The following ARHGEF26 variants were observed in gnomAD, a reference collection of about 807,000 sequenced individuals.
ARHGEF26 encodes the protein Rho guanine nucleotide exchange factor 26.
In ARHGEF26, 59 loss-of-function variants were observed where a neutral mutation model predicts 89.4. That is an observed-to-expected ratio of 0.66 (90% CI 0.54 to 0.82). ARHGEF26 has a LOEUF of 0.82. Among genes scored for constraint, ARHGEF26 ranks in the 40% least tolerant of loss-of-function variants. The pLI is 0.00. For missense variants in ARHGEF26, 1,234 were observed against 1,085.6 expected (o/e 1.14, Z -1.92); for synonymous variants, 500 against 428.4 (o/e 1.17, Z -2.06).
chr3:154,246,788 ACAACAGGACCAAC>A, intron 12 of ARHGEF26, among the ~76,000 whole-genome samples: 1 of 152,332 alleles, frequency 6.6e-6, no homozygotes, highest in South Asian at 2.1e-4. Context: ...GGAGACAAAA[ACAACAGGACCAAC>A]TGATGGATTG....
In ARHGEF26 at chr3:154,204,818, T is replaced by C. The variant is rs1253411485; in HGVS notation, c.1845+10100T>C. Among the ~76,000 whole-genome samples, 4 of 152,344 alleles carry C rather than the reference T, an allele frequency of 2.6e-5. No individual in the cohort carries two copies. In the South Asian group the frequency reaches 6.2e-4, roughly 24 times the overall value. ...GCATATTTTTTAATTTCTATGTATT[T>C]GTACACGTTCCAAAATTCCTGTTAC... On this transcript the variant is annotated intron_variant, in intron 9 of 14. Transcript: ENST00000465093.
At chr3:154,176,955 C>G (rs900258836) in intron 6 of ARHGEF26, among the ~76,000 whole-genome samples, 8 of 151,918 alleles carry the variant, frequency 5.3e-5, no homozygotes, top group African/African-American at 1.5e-4. Context: ...GGTAGAGTCT[C>G]TAAAAGGGGA....
intron 10 of ARHGEF26, among the ~76,000 whole-genome samples, chr3:154,221,123 A>G (rs748789086): frequency 6.6e-6 from 1 of 151,150 alleles, no homozygotes; most frequent in Non-Finnish European, 1.5e-5. Context: ...AAACTGTGAG[A>G]CATAAATTCC....
chr3:154,207,666 A>G (rs527751764), intron 9 of ARHGEF26, among the ~76,000 whole-genome samples: 12 of 152,334 alleles, frequency 7.9e-5, no homozygotes, highest in Admixed American at 2.6e-4. Flanking sequence ...TATTAGTTCA[A>G]CCATTATTGA....
At chr3:154,253,673 T>C (rs1268421206) in intron 13 of ARHGEF26, among the ~76,000 whole-genome samples, 2 of 152,192 alleles carry the variant, frequency 1.3e-5, no homozygotes, top group South Asian at 2.1e-4. Flanking sequence ...TCTAAGAAAG[T>C]GTGTTTCACT....
chr3:154,170,388 C>A (rs1192588985), intron 6 of ARHGEF26, among the ~76,000 whole-genome samples: 1 of 151,980 alleles, frequency 6.6e-6, no homozygotes, highest in African/African-American at 2.4e-5. Flanking sequence ...AAAGAAAAAA[C>A]AAACAAACCC....
Position 154,122,798 on chromosome 3 carries a change from T to C in ARHGEF26, c.806T>C (p.Val269Ala). 1 of 1,611,528 alleles carries C rather than the reference T, an allele frequency of 6.2e-7. No homozygotes were observed. Among genetic ancestry groups the C allele is most frequent in the Non-Finnish European group, 8.5e-7 (1 of 1,178,780 alleles). Reference protein sequence around the residue: ...IKISKSNNQNVEPHKRLLKVR... With the variant: ...IKISKSNNQNAEPHKRLLKVR... ...ATAAGTAAATCCAACAATCAAAATG[T>C]GGAGCCCCACAAGAGACTCCTCAAG... Residue 269 changes from valine (V) to alanine (A), a missense_variant, in exon 2 of 15, where the codon GTG (valine) becomes GCG (alanine). By Grantham distance (64) the Val-to-Ala change is moderately conservative. Coordinates refer to ENST00000465093, the MANE Select transcript of ARHGEF26 (RefSeq NM_015595.4).
At chr3:154,129,338 T>C (rs756966219) in intron 3 of ARHGEF26, among the ~76,000 whole-genome samples, 2 of 152,222 alleles carry the variant, frequency 1.3e-5, no homozygotes, top group Non-Finnish European at 2.9e-5. Flanking sequence ...ACATGGAAAC[T>C]GCTTCTGTTG....
chr3:154,166,736 C>G (rs567416047), intron 6 of ARHGEF26, among the ~76,000 whole-genome samples: 1 of 152,120 alleles, frequency 6.6e-6, no homozygotes, highest in Non-Finnish European at 1.5e-5. Context: ...GCTTATCCAT[C>G]TGGAGGAGGC....
At chr3:154,228,805 G>A (rs551423337) in intron 11 of ARHGEF26, among the ~76,000 whole-genome samples, 7 of 152,300 alleles carry the variant, frequency 4.6e-5, no homozygotes, top group African/African-American at 1.2e-4. Context: ...TGAACAAGGC[G>A]ATAATTTAGG....
intron 6 of ARHGEF26, among the ~76,000 whole-genome samples, chr3:154,161,465 A>T (rs1711660097): frequency 6.6e-6 from 1 of 152,168 alleles, no homozygotes; most frequent in Non-Finnish European, 1.5e-5. Flanking sequence ...GCATAACACT[A>T]GACAAGTTCT....
chr3:154,187,492 A>G (rs769253478), intron 6 of ARHGEF26, among the ~76,000 whole-genome samples, 193 bp from the exon 7 acceptor site: 6 of 150,886 alleles, frequency 4.0e-5, no homozygotes, highest in Admixed American at 2.0e-4. Flanking sequence ...CACAATGCTC[A>G]TCCTCAAGGA....
In ARHGEF26 at chr3:154,226,002, G is replaced by A; in HGVS notation, c.2082G>A (p.Lys694=). 6.2e-7 allele frequency: 1 copy of A among 1,609,488 alleles called. No homozygotes were observed. The highest frequency in any genetic ancestry group is 1.1e-5 in the South Asian group (1 of 90,124). The change falls in exon 11 of 15, where the codon AAG becomes AAA. Residue 694 remains lysine, a synonymous_variant. Transcript: ENST00000465093. ...TTAACGATGTGCTCATTATCACCAA[G>A]AAGAAGAGGTAAGTCTTTATCTGGT... The part of the protein sequence containing the change: ...FLFNDVLIIT[K]KKSEESYNVN...
At chr3:154,135,675 A>AG (rs1718959646) in intron 4 of ARHGEF26, among the ~76,000 whole-genome samples, 1 of 152,190 alleles carries the variant, frequency 6.6e-6, no homozygotes, top group Non-Finnish European at 1.5e-5. Context: ...GTGGGTTTGA[A>AG]GGAAAATATT....
At chr3:154,182,399 G>C (rs1713243494) in intron 6 of ARHGEF26, among the ~76,000 whole-genome samples, 1 of 152,024 alleles carries the variant, frequency 6.6e-6, no homozygotes, top group South Asian at 2.1e-4. Flanking sequence ...GGCTTCACAG[G>C]GCACCTGTAA....
At chr3:154,152,715 A>G (rs912321638) in intron 5 of ARHGEF26, 57 bp from the exon 6 acceptor site, 9 of 1,276,118 alleles carry the variant, frequency 7.1e-6, no homozygotes, top group South Asian at 4.4e-5. Context: ...TATGAGAGCT[A>G]TATTTAGTTC....
chr3:154,205,120 T>C (rs191780852), intron 9 of ARHGEF26, among the ~76,000 whole-genome samples: 9 of 152,268 alleles, frequency 5.9e-5, no homozygotes, highest in Non-Finnish European at 1.3e-4. Flanking sequence ...CTCTAGCTAT[T>C]ATGGTACTAT....
At chr3:154,251,715 G>A (rs1718161646) in intron 12 of ARHGEF26, among the ~76,000 whole-genome samples, 1 of 152,132 alleles carries the variant, frequency 6.6e-6, no homozygotes, top group Non-Finnish European at 1.5e-5. Context: ...TATATGTTGA[G>A]CAAAAGAAGC....
In ARHGEF26 at chr3:154,227,345, G is replaced by A. The variant is rs1716555641; in HGVS notation, c.2090+1335G>A. On this transcript the variant is annotated intron_variant, in intron 11 of 14. Transcript: ENST00000465093. ...GAGTCTTGCTGTGTCCCACAGGCTGGAGTGCAGTGGCGTGATCTCGGCTCA... is the reference window on the plus strand; with the variant it reads ...GAGTCTTGCTGTGTCCCACAGGCTGAAGTGCAGTGGCGTGATCTCGGCTCA... Among the ~76,000 whole-genome samples, 4 of 148,430 alleles carry A rather than the reference G, an allele frequency of 2.7e-5. No homozygotes were observed. In the East Asian group the frequency reaches 7.9e-4, roughly 29 times the overall value.
Sources: allele counts gnomAD v4.1 joint callset (sites outside exome capture counted in the v4.1 genomes callset), GRCh38; gene constraint gnomAD v4.1.1; transcripts MANE v1.5; gene names NCBI Gene and HGNC (gene_info 2026-07-23, HGNC 2026-07-21).